Variants in ADGRV1 observed in about 807,000 individuals in gnomAD.
ADGRV1 encodes the protein adhesion G protein-coupled receptor V1.
ADGRV1 carries 359 observed loss-of-function variants against 596.2 expected under a neutral mutation model. The observed-to-expected ratio is 0.60, with a 90% confidence interval of 0.55 to 0.66. The LOEUF (loss-of-function observed/expected upper bound fraction) is 0.66. Ranked by LOEUF, ADGRV1 falls within the 30% of genes least tolerant of loss-of-function variation. The pLI is 0.00. For synonymous variants in ADGRV1, 2,681 were observed against 2,679.2 expected (o/e 1.00, Z -0.02); for missense variants, 7,274 against 7,575.6 (o/e 0.96, Z 1.48).
intron 33 of ADGRV1, 133 bp from the exon 34 acceptor site, chr5:90,696,804 A>G: frequency 1.9e-6 from 1 of 526,826 alleles, no homozygotes; most frequent in Non-Finnish European, 3.3e-6. Context: ...TATGTTGCCC[A>G]TGATATGGAA....
chr5:90,878,119 A>G (rs553057390), intron 83 of ADGRV1, among the ~76,000 whole-genome samples: 144 of 152,328 alleles, frequency 9.5e-4, no homozygotes, highest in African/African-American at 3.2e-3. Context: ...TAGGCTTGGG[A>G]AAAACAATAT....
chr5:90,926,549 G>A (rs1213012564), intron 83 of ADGRV1, among the ~76,000 whole-genome samples: 17 of 150,210 alleles, frequency 1.1e-4, no homozygotes, highest in African/African-American at 3.0e-4. Flanking sequence ...TCTTGCTAGC[G>A]GTCTATCAAT....
intron 83 of ADGRV1, among the ~76,000 whole-genome samples, chr5:90,882,295 A>C (rs1022635423): frequency 6.6e-6 from 1 of 152,176 alleles, no homozygotes; most frequent in African/African-American, 2.4e-5. Flanking sequence ...TTTCTCATTA[A>C]TTTTGAAAGA....
intron 83 of ADGRV1, among the ~76,000 whole-genome samples, chr5:90,959,930 G>C (rs935436222): frequency 5.9e-5 from 9 of 152,092 alleles, no homozygotes; most frequent in Non-Finnish European, 1.5e-5. Context: ...ACGAGGTCAG[G>C]AGATCAAGAC....
At chr5:91,147,313 C>G (rs1475095149) in intron 87 of ADGRV1, among the ~76,000 whole-genome samples, 1 of 151,854 alleles carries the variant, frequency 6.6e-6, no homozygotes, top group Non-Finnish European at 1.5e-5. Flanking sequence ...AAATTCTCAG[C>G]TTTTAGTAGA....
intron 78 of ADGRV1, among the ~76,000 whole-genome samples, chr5:90,848,253 G>T (rs1766119475): frequency 6.6e-6 from 1 of 152,006 alleles, no homozygotes; most frequent in African/African-American, 2.4e-5. Flanking sequence ...TATTCTTGAG[G>T]TATTTATTTC....
Position 90,651,784 on chromosome 5 carries a change from G to T in ADGRV1, c.3416+54G>T, listed in dbSNP as rs564407316. 7 of 1,153,526 alleles carry T rather than the reference G, an allele frequency of 6.1e-6. No homozygotes were observed. In the African/African-American group the frequency reaches 9.2e-5, roughly 15 times the overall value. The allele number at this position is 1,153,526 out of a possible 1,614,324, so 71.5% of individuals were successfully genotyped here. On this transcript the variant is annotated intron_variant, in intron 18 of 89. Transcript: ENST00000405460. ...AAATTGGGTGAAATAAAACCATTAA[G>T]TATGTGAAATTCTGAAATATTCCTT... is the stretch of plus-strand genomic sequence containing the variant.
At chr5:91,095,971 G>A (rs1005027705) in intron 86 of ADGRV1, among the ~76,000 whole-genome samples, 19 of 150,518 alleles carry the variant, frequency 1.3e-4, no homozygotes, top group Admixed American at 3.9e-4. Context: ...CATTGACCAG[G>A]CTCATCTGAA....
rs5869522 is a variant in ADGRV1, at chr5:90,813,132, CAAAAAA to C, written c.16078+1821_16078+1826del. On this transcript the variant is annotated intron_variant, in intron 74 of 89. Transcript: ENST00000405460. ...TGGGCGACAGAGTAAGACTCCGTCT[CAAAAAA>C]AAAAAAAAAAAAAAAAAAAAAAAAA... Among the ~76,000 whole-genome samples, 105 of 34,894 alleles carry C rather than the reference CAAAAAA, an allele frequency of 3.0e-3. 5 individuals are homozygous for C. The highest frequency in any genetic ancestry group is 6.8e-3 in the African/African-American group (82 of 11,978). 22.9% of individuals were successfully genotyped at this position (34,894 alleles called of 152,430 possible). A position where few individuals can be genotyped will look rare whatever the true frequency, so the allele number is the denominator to read the frequency against.
intron 86 of ADGRV1, among the ~76,000 whole-genome samples, chr5:91,097,240 C>A (rs1263284351): frequency 6.6e-6 from 1 of 152,164 alleles, no homozygotes; most frequent in Non-Finnish European, 1.5e-5. Flanking sequence ...GGTGTGTCCT[C>A]ACATGGTGGA....
Position 90,685,841 on chromosome 5 carries a change from C to CT in ADGRV1, c.6336_6337insT (p.Asn2113Ter). On this transcript the variant is annotated frameshift_variant, in exon 29 of 90. Coordinates refer to ENST00000405460, the MANE Select transcript of ADGRV1 (RefSeq NM_032119.4). LOFTEE classifies it high-confidence loss of function. The stretch of plus-strand genomic sequence containing the variant: ...CTATTGCGCAACTAATTATCATTGC[C>CT]AATGATGATGCATTTGGAACTCTTC... 6.2e-7 allele frequency: 1 copy of CT among 1,612,158 alleles called. No individual in the cohort carries two copies. The highest frequency in any genetic ancestry group is 8.5e-7 in the Non-Finnish European group (1 of 1,178,808).
intron 69 of ADGRV1, among the ~76,000 whole-genome samples, chr5:90,790,407 A>G (rs1759934026): frequency 6.6e-6 from 1 of 152,210 alleles, no homozygotes; most frequent in African/African-American, 2.4e-5. Flanking sequence ...GTGCTTCTTC[A>G]GTTGACACTT....
At chr5:90,863,536 A>G (rs753834826) in intron 82 of ADGRV1, among the ~76,000 whole-genome samples, 44 of 152,336 alleles carry the variant, frequency 2.9e-4, no homozygotes, top group South Asian at 6.2e-4. Context: ...GAAAAATCCT[A>G]TTCACATGCC....
chr5:90,871,074 A>G (rs915771844), intron 83 of ADGRV1, among the ~76,000 whole-genome samples: 3 of 152,116 alleles, frequency 2.0e-5, no homozygotes, highest in Admixed American at 2.0e-4. Context: ...TATTGTTACT[A>G]TTGAACTTTA....
At chr5:91,138,772 C>G (rs999756298) in intron 87 of ADGRV1, among the ~76,000 whole-genome samples, 1 of 138,224 alleles carries the variant, frequency 7.2e-6, no homozygotes. Flanking sequence ...TATTGGTAAA[C>G]TTTTTTTTTT....
At chr5:90,934,369 A>G (rs1382029641) in intron 83 of ADGRV1, among the ~76,000 whole-genome samples, 1 of 152,122 alleles carries the variant, frequency 6.6e-6, no homozygotes, top group Non-Finnish European at 1.5e-5. Context: ...GGAAAACCAG[A>G]GGGAAAAAAA....
intron 82 of ADGRV1, 57 bp from the exon 83 acceptor site, chr5:90,863,700 T>A: frequency 8.0e-7 from 1 of 1,255,776 alleles, no homozygotes; most frequent in Non-Finnish European, 1.2e-6. Context: ...CTTGCTATGA[T>A]GCTGTTAGAA....
chr5:90,796,235 G>A (rs1037281500), intron 70 of ADGRV1, among the ~76,000 whole-genome samples: 1 of 152,066 alleles, frequency 6.6e-6, no homozygotes, highest in African/African-American at 2.4e-5. Context: ...CTTGAAAAAA[G>A]GTTAGATGAA....
intron 87 of ADGRV1, among the ~76,000 whole-genome samples, chr5:91,128,733 A>G (rs969744148): frequency 3.3e-5 from 5 of 152,204 alleles, no homozygotes; most frequent in Admixed American, 2.6e-4. Context: ...GCAGCAAGCT[A>G]ATAATGGCCA....
Sources: allele counts gnomAD v4.1 joint callset (sites outside exome capture counted in the v4.1 genomes callset), GRCh38; gene constraint gnomAD v4.1.1; transcripts MANE v1.5; gene names NCBI Gene and HGNC (gene_info 2026-07-23, HGNC 2026-07-21).